Variants in SOX5 observed in about 807,000 individuals in gnomAD.
SOX5 encodes SRY-box transcription factor 5.
Under a neutral mutation model 92.0 loss-of-function variants are expected in SOX5, and 9 were observed. That is an observed-to-expected ratio of 0.10 (90% CI 0.06 to 0.17). SOX5 has a LOEUF of 0.17. Among genes scored for constraint, SOX5 ranks in the 10% least tolerant of loss-of-function variants. SOX5 has a pLI of 1.00. For synonymous variants in SOX5, 344 were observed against 336.3 expected (o/e 1.02, Z -0.25); for missense variants, 642 against 944.5 (o/e 0.68, Z 4.20).
chr12:23,949,753 C>CTCTCTGT, upstream of SOX5: 1 of 732,744 alleles, frequency 1.4e-6, no homozygotes. Context: ...TCTCTCTCTC[C>CTCTCTGT]CTCTCTCTCT....
intron 1 of SOX5, among the ~76,000 whole-genome samples, chr12:24,498,900 C>T (rs1161819460): frequency 5.9e-5 from 9 of 152,110 alleles, no homozygotes; most frequent in Non-Finnish European, 1.3e-4. Flanking sequence ...TTGGAACACA[C>T]CAAAATTTCT....
chr12:24,042,287 A>G (rs990390586), intron 4 of SOX5, among the ~76,000 whole-genome samples: 7 of 152,250 alleles, frequency 4.6e-5, no homozygotes, highest in Non-Finnish European at 1.0e-4. Flanking sequence ...CATAATATCA[A>G]TATGTACCTT....
At chr12:23,909,014 T>C (rs1049961555) in intron 1 of SOX5, among the ~76,000 whole-genome samples, 1 of 152,090 alleles carries the variant, frequency 6.6e-6, no homozygotes, top group Admixed American at 6.6e-5. Context: ...ACTGCCACTG[T>C]GGGCAAGTTA....
chr12:24,555,735 A>ATG (rs1448645836), intron 1 of SOX5, among the ~76,000 whole-genome samples: 1 of 152,166 alleles, frequency 6.6e-6, no homozygotes, highest in Non-Finnish European at 1.5e-5. Flanking sequence ...GCCAGGTCTC[A>ATG]TGTGTGTGAG....
chr12:24,403,117 A>G (rs1222738982), intron 1 of SOX5, among the ~76,000 whole-genome samples: 5 of 152,196 alleles, frequency 3.3e-5, no homozygotes, highest in African/African-American at 9.6e-5. Flanking sequence ...TATTATTTCC[A>G]TCTTCTCATA....
At chr12:23,918,778 G>A (rs780758228) in intron 1 of SOX5, among the ~76,000 whole-genome samples, 6 of 152,042 alleles carry the variant, frequency 3.9e-5, no homozygotes, top group South Asian at 2.1e-4. Context: ...TTAGCCAGGC[G>A]TGGTGGCACA....
chr12:24,465,310 C>T (rs144106892), intron 1 of SOX5, among the ~76,000 whole-genome samples: 28 of 152,294 alleles, frequency 1.8e-4, no homozygotes, highest in African/African-American at 6.3e-4. Flanking sequence ...ATCATAATAG[C>T]GAACATTTAC....
chr12:24,289,659 T>G (rs1036805111), intron 2 of SOX5, among the ~76,000 whole-genome samples: 1 of 125,078 alleles, frequency 8.0e-6, no homozygotes, highest in Non-Finnish European at 1.6e-5. Context: ...GTTTCACCGT[T>G]TTAGCCGGGA....
chr12:23,961,630 C>T (rs971696863), intron 4 of SOX5, among the ~76,000 whole-genome samples: 6 of 152,180 alleles, frequency 3.9e-5, no homozygotes, highest in Non-Finnish European at 1.5e-5. Flanking sequence ...TCACCTGTCA[C>T]TCTTCTTCTG....
At chr12:24,329,118 T>C (rs1951022533) in intron 2 of SOX5, among the ~76,000 whole-genome samples, 1 of 152,188 alleles carries the variant, frequency 6.6e-6, no homozygotes, top group Admixed American at 6.5e-5. Context: ...GTTTATATTG[T>C]AAATAATGTT....
At chr12:24,004,386 A>G (rs528062157) in intron 4 of SOX5, among the ~76,000 whole-genome samples, 4 of 152,154 alleles carry the variant, frequency 2.6e-5, no homozygotes, top group South Asian at 4.1e-4. Context: ...AAGAGAAAGT[A>G]CTTGAATCCC....
intron 3 of SOX5, among the ~76,000 whole-genome samples, chr12:23,798,303 T>C (rs1286234663): frequency 6.6e-6 from 1 of 151,944 alleles, no homozygotes; most frequent in East Asian, 1.9e-4. Flanking sequence ...GACCTAATAA[T>C]TTGTGCTGCC....
At chr12:24,277,465 C>T (rs1278720967) in intron 2 of SOX5, among the ~76,000 whole-genome samples, 1 of 57,816 alleles carries the variant, frequency 1.7e-5, no homozygotes, top group African/African-American at 3.3e-5. Flanking sequence ...TGTAAATTTA[C>T]ATTTAAATAT....
At chr12:24,445,151 T>G (rs902259856) in intron 1 of SOX5, among the ~76,000 whole-genome samples, 2 of 152,162 alleles carry the variant, frequency 1.3e-5, no homozygotes, top group Admixed American at 6.5e-5. Context: ...AAACAATAAG[T>G]CATTTCAAGT....
At chr12:24,230,260 T>C (rs1023892517) in intron 3 of SOX5, among the ~76,000 whole-genome samples, 1 of 151,964 alleles carries the variant, frequency 6.6e-6, no homozygotes, top group African/African-American at 2.4e-5. Context: ...TTTAAAGACT[T>C]CCCGTCATTA....
At chr12:24,074,377 A>C (rs1942213050) in intron 4 of SOX5, among the ~76,000 whole-genome samples, 1 of 151,982 alleles carries the variant, frequency 6.6e-6, no homozygotes, top group South Asian at 2.1e-4. Flanking sequence ...ATCTTAACTC[A>C]GGAAAAAAAA....
Position 23,779,492 on chromosome 12 carries a change from A to T in SOX5, c.482-23768T>A, listed in dbSNP as rs77332989. On this transcript the variant is annotated intron_variant, in intron 3 of 14. Transcript: ENST00000451604. ...TACACATATTCAAAAATAACCAATC[A>T]TGGTTAGTTTTTTACCAAATTCAGA... 5.2e-3 allele frequency among the ~76,000 whole-genome samples: 792 copies of T among 151,326 alleles called. 10 individuals carry two copies. The highest frequency in any genetic ancestry group is 0.018 in the African/African-American group (755 of 41,170).
intron 2 of SOX5, among the ~76,000 whole-genome samples, chr12:24,322,608 T>C (rs1006578224): frequency 6.6e-6 from 1 of 152,156 alleles, no homozygotes; most frequent in Admixed American, 6.5e-5. Context: ...GGTGTCTCAG[T>C]GAGCTGACGT....
At chr12:24,195,696 C>A (rs1408471932) in intron 4 of SOX5, among the ~76,000 whole-genome samples, 1 of 152,032 alleles carries the variant, frequency 6.6e-6, no homozygotes, top group Non-Finnish European at 1.5e-5. Flanking sequence ...GGAGCTAAGT[C>A]AAATTTGAGA....
Sources: gnomAD v4.1 joint callset for allele counts (sites outside exome capture counted in the v4.1 genomes callset) on GRCh38, gnomAD v4.1.1 for gene constraint, MANE v1.5 for transcripts, NCBI Gene and HGNC (gene_info 2026-07-23, HGNC 2026-07-21) for gene names.